The following GPC5 variants were observed in gnomAD, a reference collection of about 807,000 sequenced individuals.
GPC5 encodes glypican-5.
A neutral mutation model predicts 53.9 loss-of-function variants in GPC5; 47 were observed. The observed-to-expected ratio is 0.87, with a 90% CI of 0.69 to 1.11. The LOEUF (loss-of-function observed/expected upper bound fraction) is 1.11, where lower values mean the gene tolerates loss of function less well. GPC5 is among the 50% of genes most tolerant of loss of function. The pLI, the probability that GPC5 is intolerant of heterozygous loss-of-function variation, is 0.00. For missense variants in GPC5, 748 were observed against 713.1 expected (o/e 1.05, Z -0.56); for synonymous variants, 286 against 263.3 (o/e 1.09, Z -0.84).
intron 3 of GPC5, among the ~76,000 whole-genome samples, chr13:91,715,209 C>A (rs917790542): frequency 6.6e-6 from 1 of 152,134 alleles, no homozygotes; most frequent in African/African-American, 2.4e-5. Flanking sequence ...TCTGCCCCAT[C>A]CCTGTTTTAG....
intron 5 of GPC5, among the ~76,000 whole-genome samples, chr13:91,879,522 G>C (rs1172760842): frequency 6.6e-6 from 1 of 152,134 alleles, no homozygotes; most frequent in Non-Finnish European, 1.5e-5. Flanking sequence ...GAAAATCTGT[G>C]TTCTGGTTCA....
At chr13:91,897,713 G>A (rs779033599) in intron 5 of GPC5, among the ~76,000 whole-genome samples, 8 of 152,168 alleles carry the variant, frequency 5.3e-5, no homozygotes, top group Non-Finnish European at 1.2e-4. Flanking sequence ...TCCATTAAAT[G>A]TAGGTTCAAT....
chr13:92,853,925 T>G (rs1262686611), intron 7 of GPC5, among the ~76,000 whole-genome samples: 1 of 152,086 alleles, frequency 6.6e-6, no homozygotes, highest in Non-Finnish European at 1.5e-5. Context: ...AACTTAAGTC[T>G]TCTCATCTAT....
intron 6 of GPC5, among the ~76,000 whole-genome samples, chr13:92,116,594 A>G (rs78113509): frequency 6.6e-6 from 1 of 152,352 alleles, no homozygotes; most frequent in African/African-American, 2.4e-5. Flanking sequence ...TGGGATTGTC[A>G]TATAAACAAT....
intron 5 of GPC5, among the ~76,000 whole-genome samples, chr13:91,882,896 G>A (rs1429425519): frequency 6.6e-6 from 1 of 152,064 alleles, no homozygotes; most frequent in African/African-American, 2.4e-5. Context: ...AATCAGGAAA[G>A]GAAGCTAGAG....
chr13:91,621,173 A>G (rs1194940435), intron 2 of GPC5, among the ~76,000 whole-genome samples: 2 of 152,206 alleles, frequency 1.3e-5, no homozygotes, highest in Non-Finnish European at 2.9e-5. Context: ...ACAAAAAAAC[A>G]TAAAGCATAG....
At position 92,556,763 on chromosome 13, in the gene GPC5, T is replaced by C. The variant is rs1882508733; in HGVS notation, c.1562-309519T>C. ...CAATTAAATTTGTACTAACCTTTTGTTGTAGATCATCATATGTTCTTAAAA... is the reference window on the plus strand; with the variant it reads ...CAATTAAATTTGTACTAACCTTTTGCTGTAGATCATCATATGTTCTTAAAA... On this transcript the variant is annotated intron_variant, in intron 7 of 7. Transcript: ENST00000377067. Among the ~76,000 whole-genome samples the C allele has an allele frequency of 2.6e-5, 4 of 152,034 alleles. No homozygotes were observed. In the South Asian group the frequency reaches 8.3e-4, roughly 31 times the overall value.
intron 7 of GPC5, among the ~76,000 whole-genome samples, chr13:92,423,350 CA>C (rs1370306095): frequency 2.0e-5 from 3 of 152,178 alleles, no homozygotes; most frequent in Non-Finnish European, 4.4e-5. Context: ...GTATGCACAG[CA>C]AACAGTTTTT....
intron 5 of GPC5, among the ~76,000 whole-genome samples, chr13:91,871,765 G>T (rs187734510): frequency 6.6e-6 from 1 of 151,032 alleles, no homozygotes; most frequent in East Asian, 2.0e-4. Flanking sequence ...AAATAACTTC[G>T]TTTTCCTTTA....
chr13:92,751,303 T>TAAAAAAAAAAAAAA (rs71123435), intron 7 of GPC5, among the ~76,000 whole-genome samples: 4 of 38,772 alleles, frequency 1.0e-4, no homozygotes, highest in Non-Finnish European at 1.6e-4. Context: ...CAGAAACATT[T>TAAAAAAAAAAAAAA]AAAAAAAAAA....
chr13:92,498,852 T>A (rs1019859739), intron 7 of GPC5, among the ~76,000 whole-genome samples: 1 of 152,114 alleles, frequency 6.6e-6, no homozygotes, highest in Non-Finnish European at 1.5e-5. Flanking sequence ...CCGGCATAGA[T>A]AAACTCCTAA....
intron 7 of GPC5, among the ~76,000 whole-genome samples, chr13:92,265,167 A>G (rs1231019493): frequency 6.6e-6 from 1 of 152,040 alleles, no homozygotes; most frequent in African/African-American, 2.4e-5. Context: ...ATGCTTGGCC[A>G]TACCCTTAGT....
intron 7 of GPC5, among the ~76,000 whole-genome samples, chr13:92,604,202 A>G (rs1034649518): frequency 7.9e-5 from 12 of 152,184 alleles, no homozygotes; most frequent in African/African-American, 2.9e-4. Flanking sequence ...ATTCACTTCA[A>G]GGTAAACTTT....
At chr13:91,893,835 G>C (rs560523392) in intron 5 of GPC5, among the ~76,000 whole-genome samples, 1 of 152,022 alleles carries the variant, frequency 6.6e-6, no homozygotes, top group East Asian at 1.9e-4. Flanking sequence ...GCTAGGAATA[G>C]CGTAATTGTG....
chr13:91,561,206 A>T (rs900487702), intron 2 of GPC5, among the ~76,000 whole-genome samples: 5 of 151,798 alleles, frequency 3.3e-5, no homozygotes, highest in African/African-American at 9.7e-5. Context: ...GCCTGTGATT[A>T]TTTTTTTCAG....
chr13:91,450,163 G>A lies in GPC5; in HGVS notation c.325+1241G>A, dbSNP rs536703277. ...GAAAGCGTGAAATGTCAGATTTTAA[G>A]GTTTTATAAATTTAGCTGCTTTTTT... On this transcript the variant is annotated intron_variant, in intron 2 of 7. Coordinates refer to ENST00000377067, the MANE Select transcript of GPC5 (RefSeq NM_004466.6). 1.6e-4 allele frequency among the ~76,000 whole-genome samples: 25 copies of A among 152,150 alleles called. No homozygotes were observed. In the South Asian group the frequency reaches 4.8e-3, roughly 29 times the overall value.
intron 2 of GPC5, chr13:91,486,751 T>C (rs1883629624): frequency 6.6e-6 from 1 of 152,172 alleles, no homozygotes; most frequent in Non-Finnish European, 1.5e-5. Context: ...GTCTATTACT[T>C]AGTATGAGAA....
intron 2 of GPC5, among the ~76,000 whole-genome samples, chr13:91,686,431 C>A (rs1045310238): frequency 3.3e-5 from 5 of 151,904 alleles, no homozygotes; most frequent in African/African-American, 1.2e-4. Flanking sequence ...TGACTGATTT[C>A]TGCATAACAT....
intron 7 of GPC5, among the ~76,000 whole-genome samples, chr13:92,225,437 T>A (rs1203600565): frequency 6.6e-6 from 1 of 152,330 alleles, no homozygotes; most frequent in Non-Finnish European, 1.5e-5. Flanking sequence ...TTAAAATAGA[T>A]GTGACTTTGT....
Sources: gnomAD v4.1 joint callset for allele counts (sites outside exome capture counted in the v4.1 genomes callset) on GRCh38, gnomAD v4.1.1 for gene constraint, MANE v1.5 for transcripts, NCBI Gene and HGNC (gene_info 2026-07-23, HGNC 2026-07-21) for gene names.